The following C17orf50 variants were observed in gnomAD, a reference collection of about 807,000 sequenced individuals.
C17orf50 encodes the protein uncharacterized protein C17orf50.
In C17orf50, 16 loss-of-function variants were observed where a neutral mutation model predicts 17.7. The ratio of observed to expected loss-of-function variants is 0.90; its 90% confidence interval spans 0.61 to 1.37. C17orf50 has a LOEUF of 1.37. Among genes scored for constraint, C17orf50 ranks in the 40% most tolerant of loss-of-function variants. The pLI is 0.00. For missense variants in C17orf50, 271 were observed against 240.7 expected (o/e 1.13, Z -0.83); for synonymous variants, 125 against 111.0 (o/e 1.13, Z -0.80).
intron 1 of C17orf50, among the ~76,000 whole-genome samples, chr17:35,763,122 C>CAAAA (rs56180495): frequency 9.7e-6 from 1 of 103,146 alleles, no homozygotes; most frequent in Non-Finnish European, 2.2e-5. Flanking sequence ...ACTCCGTCTC[C>CAAAA]AAAAAAAAAA....
At chr17:35,763,828 C>A (rs1196157742) in intron 1 of C17orf50, 179 bp from the exon 2 acceptor site, 4 of 400,912 alleles carry the variant, frequency 1.0e-5, no homozygotes, top group Non-Finnish European at 1.6e-5. Context: ...GCCCGTGAGG[C>A]GGAGGTTGCA....
intron 1 of C17orf50, among the ~76,000 whole-genome samples, chr17:35,763,281 CT>C (rs1279405771): frequency 4.6e-5 from 7 of 151,480 alleles, no homozygotes; most frequent in Non-Finnish European, 1.0e-4. Context: ...AAAAAAAAAT[CT>C]TTTTTAATTG....
In C17orf50 at chr17:35,764,317, C is replaced by T. The variant is rs1226378865; in HGVS notation, c.324C>T (p.Pro108=). 6.8e-7 allele frequency: 1 copy of T among 1,481,186 alleles called. No homozygotes were observed. Among genetic ancestry groups the T allele is most frequent in the Admixed American group, 2.4e-5 (1 of 42,118 alleles). 91.8% of individuals were successfully genotyped at this position (1,481,186 alleles called of 1,614,324 possible). A position where few individuals can be genotyped will look rare whatever the true frequency, so the allele number is the denominator to read the frequency against. ...CGCTGCTGGGCGGCCTAACAGCTCCCACCGACAGGTGCCTGCGCGCTCCTC... is the reference window on the plus strand; with the variant it reads ...CGCTGCTGGGCGGCCTAACAGCTCCTACCGACAGGTGCCTGCGCGCTCCTC... The part of the protein sequence containing the change: ...PLALLGGLTA[P]TDRKRSLPEE... Residue 108 remains proline, a synonymous_variant, in exon 2 of 3, where the codon CCC becomes CCT. Coordinates refer to ENST00000605587, the MANE Select transcript of C17orf50 (RefSeq NM_145272.4).
chr17:35,764,720 C>A lies in C17orf50; in HGVS notation c.*102C>A. 1 of 1,288,798 alleles carries A rather than the reference C, an allele frequency of 7.8e-7. No homozygotes were observed. The highest frequency in any genetic ancestry group is 1.0e-6 in the Non-Finnish European group (1 of 964,746). 79.8% of individuals were successfully genotyped at this position (1,288,798 alleles called of 1,614,324 possible). On this transcript the variant is annotated 3_prime_UTR_variant, in exon 3 of 3. Coordinates refer to ENST00000605587, the MANE Select transcript of C17orf50 (RefSeq NM_145272.4). ...GCGGAGCCCTCTTCGACGCATTCCG[C>A]AGGACCGCCCCTTCTCAGCTGCTGC...
At position 35,764,745 on chromosome 17, in the gene C17orf50, C is replaced by T. The variant is rs1360759554; in HGVS notation, c.*127C>T. ...CAGGACCGCCCCTTCTCAGCTGCTGCCCAGAGCGCCCCCATCCGTCAAGAA... is the reference window on the plus strand; with the variant it reads ...CAGGACCGCCCCTTCTCAGCTGCTGTCCAGAGCGCCCCCATCCGTCAAGAA... On this transcript the variant is annotated 3_prime_UTR_variant, in exon 3 of 3. Transcript: ENST00000605587. The T allele has an allele frequency of 9.5e-6, 10 of 1,047,480 alleles. No individual in the cohort carries two copies. The African/African-American group carries it at 1.4e-4, about 14-fold the overall frequency. The allele number at this position is 1,047,480 out of a possible 1,614,324, so 64.9% of individuals were successfully genotyped here.
Position 35,764,627 on chromosome 17 carries a change from G to C in C17orf50, c.*9G>C. The C allele has an allele frequency of 1.3e-6, 2 of 1,565,770 alleles. No individual in the cohort carries two copies. Among genetic ancestry groups the C allele is most frequent in the Non-Finnish European group, 1.7e-6 (2 of 1,163,612 alleles). ...CCGCTGGGAACTCCTGAGCGCCCCC[G>C]CTCCCAGCCTTTGTGCCCTCCATCA... On this transcript the variant is annotated 3_prime_UTR_variant, in exon 3 of 3. Coordinates refer to ENST00000605587, the MANE Select transcript of C17orf50 (RefSeq NM_145272.4).
chr17:35,763,162 G>A (rs1013468710), intron 1 of C17orf50, among the ~76,000 whole-genome samples: 30 of 151,986 alleles, frequency 2.0e-4, no homozygotes, highest in African/African-American at 7.0e-4. Context: ...GCCAGGGGAG[G>A]CGGCTCGTGG....
intron 1 of C17orf50, among the ~76,000 whole-genome samples, chr17:35,763,472 A>G (rs2085866074): frequency 6.7e-6 from 1 of 149,672 alleles, no homozygotes; most frequent in Non-Finnish European, 1.5e-5. Context: ...GAGCGAAATA[A>G]AAAGAGTCTG....
In C17orf50 at chr17:35,764,634, G is replaced by C. The variant is rs782680432; in HGVS notation, c.*16G>C. 1 of 1,555,810 alleles carries C rather than the reference G, an allele frequency of 6.4e-7. No homozygotes were observed. The highest frequency in any genetic ancestry group is 1.2e-5 in the South Asian group (1 of 83,028). On this transcript the variant is annotated 3_prime_UTR_variant, in exon 3 of 3. Transcript: ENST00000605587. ...GAACTCCTGAGCGCCCCCGCTCCCA[G>C]CCTTTGTGCCCTCCATCATTTCCTG...
Position 35,764,062 on chromosome 17 carries a change from G to A in C17orf50, c.69G>A (p.Ala23=), listed in dbSNP as rs1555602093. ...CGGAAGAGCTCCGGGCCGAGGACGCGGAGCAAGAGGAAGGGAAGGAGGGGT... is the reference window on the plus strand; with the variant it reads ...CGGAAGAGCTCCGGGCCGAGGACGCAGAGCAAGAGGAAGGGAAGGAGGGGT... The part of the protein sequence containing the change: ...KETEELRAED[A]EQEEGKEGSE... Residue 23 remains alanine, a synonymous_variant, in exon 2 of 3, where the codon GCG becomes GCA. Coordinates refer to ENST00000605587, the MANE Select transcript of C17orf50 (RefSeq NM_145272.4). 9 of 1,549,860 alleles carry A rather than the reference G, an allele frequency of 5.8e-6. No homozygotes were observed. The highest frequency in any genetic ancestry group is 3.9e-5 in the Admixed American group (2 of 50,962).
Position 35,764,734 on chromosome 17 carries a change from C to T in C17orf50, c.*116C>T. The T allele has an allele frequency of 1.7e-6, 2 of 1,199,812 alleles. No homozygotes were observed. Among genetic ancestry groups the T allele is most frequent in the Non-Finnish European group, 1.1e-6 (1 of 891,358 alleles). The allele number at this position is 1,199,812 out of a possible 1,614,324, so 74.3% of individuals were successfully genotyped here. ...GACGCATTCCGCAGGACCGCCCCTTCTCAGCTGCTGCCCAGAGCGCCCCCA... is the reference window on the plus strand; with the variant it reads ...GACGCATTCCGCAGGACCGCCCCTTTTCAGCTGCTGCCCAGAGCGCCCCCA... On this transcript the variant is annotated 3_prime_UTR_variant, in exon 3 of 3. Transcript: ENST00000605587.
intron 1 of C17orf50, among the ~76,000 whole-genome samples, chr17:35,761,953 T>C (rs1308670640): frequency 6.6e-6 from 1 of 152,208 alleles, no homozygotes; most frequent in Non-Finnish European, 1.5e-5. Flanking sequence ...TTAAATAGGA[T>C]GGACTGGGAT....
Position 35,764,109 on chromosome 17 carries a change from A to T in C17orf50, c.116A>T (p.Asn39Ile). ...KEGSEDEDED[N>I]QRPLEDSATE... ...GGGTCGGAGGACGAGGACGAGGACA[A>T]CCAGAGGCCGCTGGAGGACAGCGCG... The change falls in exon 2 of 3, where the codon AAC becomes ATC. Residue 39 changes from asparagine (N) to isoleucine (I), a missense_variant. Physicochemically the swap from Asn to Ile is moderately radical, Grantham distance 149. Coordinates refer to ENST00000605587, the MANE Select transcript of C17orf50 (RefSeq NM_145272.4). The T allele has an allele frequency of 6.5e-7, 1 of 1,550,246 alleles. No individual in the cohort carries two copies. The highest frequency in any genetic ancestry group is 1.2e-5 in the South Asian group (1 of 84,018).
chr17:35,763,036 G>C (rs1440676870), intron 1 of C17orf50, among the ~76,000 whole-genome samples: 2 of 151,754 alleles, frequency 1.3e-5, no homozygotes, highest in Non-Finnish European at 2.9e-5. Flanking sequence ...GCAGGAGAAT[G>C]GCGTGAACCC....
rs1555602201 is a variant in C17orf50, at chr17:35,764,256, C to G, written c.263C>G (p.Ala88Gly). The change falls in exon 2 of 3, where the codon GCG becomes GGG. Residue 88 changes from alanine (A) to glycine (G), a missense_variant. Transcript: ENST00000605587. ...CAGCAGGTGGCGCTGCTGCGGCGCG[C>G]GGACAGCGGCTTCTGGGGCTGGCTC... The part of the protein sequence containing the change: ...STQQVALLRR[A>G]DSGFWGWLGP... 1 of 1,539,520 alleles carries G rather than the reference C, an allele frequency of 6.5e-7. No individual in the cohort carries two copies. The highest frequency in any genetic ancestry group is 1.4e-5 in the African/African-American group (1 of 72,290).
chr17:35,761,646 C>T (rs1301813744), intron 1 of C17orf50, among the ~76,000 whole-genome samples: 1 of 152,192 alleles, frequency 6.6e-6, no homozygotes, highest in Non-Finnish European at 1.5e-5. Context: ...TCTTCTCCGG[C>T]CTGGACCACT....
intron 1 of C17orf50, among the ~76,000 whole-genome samples, chr17:35,763,339 C>T (rs587596632): frequency 6.6e-6 from 1 of 151,466 alleles, no homozygotes; most frequent in East Asian, 2.0e-4. Context: ...TGTGGTGGTG[C>T]AATCATGGCT....
rs2085885650 is a variant in C17orf50 at position 35,764,207 on chromosome 17, C to T, written c.214C>T (p.Pro72Ser). Residue 72 changes from proline (P) to serine (S), a missense_variant, in exon 2 of 3, where the codon CCG becomes TCG. Pro to Ser is a moderately conservative substitution (Grantham distance 74). Transcript: ENST00000605587. The part of the protein sequence containing the change: ...GRERRSVSYC[P>S]LRQESSTQQV... ...CGAGCGGCGCTCAGTGTCCTACTGCCCGCTGCGCCAGGAGTCCAGCACCCA... is the reference window on the plus strand; with the variant it reads ...CGAGCGGCGCTCAGTGTCCTACTGCTCGCTGCGCCAGGAGTCCAGCACCCA... 2 of 1,547,396 alleles carry T rather than the reference C, an allele frequency of 1.3e-6. No homozygotes were observed. Among genetic ancestry groups the T allele is most frequent in the Non-Finnish European group, 1.7e-6 (2 of 1,146,458 alleles).
At chr17:35,761,784 C>T (rs1555601574) in intron 1 of C17orf50, among the ~76,000 whole-genome samples, 1 of 152,168 alleles carries the variant, frequency 6.6e-6, no homozygotes, top group African/African-American at 2.4e-5. Context: ...GTCCAGATTC[C>T]ATAGCGCAGC....
Sources: allele counts gnomAD v4.1 joint callset (sites outside exome capture counted in the v4.1 genomes callset), GRCh38; gene constraint gnomAD v4.1.1; transcripts MANE v1.5; gene names NCBI Gene and HGNC (gene_info 2026-07-23, HGNC 2026-07-21).